Variants in PRDM1 observed in about 807,000 individuals in gnomAD.
The protein encoded by PRDM1 is PR domain zinc finger protein 1.
A neutral mutation model predicts 62.8 loss-of-function variants in PRDM1; 13 were observed. The ratio of observed to expected loss-of-function variants is 0.21; its 90% confidence interval spans 0.13 to 0.33. The LOEUF (loss-of-function observed/expected upper bound fraction) is 0.33, where lower values mean the gene tolerates loss of function less well. PRDM1 is among the 10% of genes least tolerant of loss of function. The pLI, the probability that PRDM1 is intolerant of heterozygous loss-of-function variation, is 1.00. For missense variants in PRDM1, 895 were observed against 1,058.8 expected (o/e 0.85, Z 2.15); for synonymous variants, 396 against 417.6 (o/e 0.95, Z 0.63).
intron 1 of PRDM1, among the ~76,000 whole-genome samples, chr6:106,059,317 T>A (rs1309416016): frequency 6.6e-6 from 1 of 152,110 alleles, no homozygotes. Context: ...TCTGAGGAGG[T>A]GGCATTTGAG....
chr6:106,012,872 A>C (rs1371290051), intron 1 of PRDM1, among the ~76,000 whole-genome samples: 1 of 152,212 alleles, frequency 6.6e-6, no homozygotes, highest in African/African-American at 2.4e-5. Context: ...AATTTGTCAG[A>C]TGGCTGAACA....
rs530867888 is a variant in PRDM1 at position 106,075,523 on chromosome 6, T to C, written c.-66-12678T>C. ...ACATAGCCTTGTATTAACCATAAAA[T>C]GTCCTTGGTTCTGATCATCTCTTCC... is the stretch of plus-strand genomic sequence containing the variant. On this transcript the variant is annotated intron_variant, in intron 1 of 6. Transcript: ENST00000651185. 3.3e-5 allele frequency among the ~76,000 whole-genome samples: 5 copies of C among 152,330 alleles called. No individual in the cohort carries two copies. In the South Asian group the frequency reaches 1.0e-3, roughly 32 times the overall value.
At chr6:106,080,774 G>A (rs1454417811) in intron 1 of PRDM1, among the ~76,000 whole-genome samples, 1 of 152,200 alleles carries the variant, frequency 6.6e-6, no homozygotes, top group African/African-American at 2.4e-5. Context: ...TCTCTTCAAA[G>A]GAGTTGTGGG....
intron 1 of PRDM1, among the ~76,000 whole-genome samples, chr6:106,005,399 G>A (rs1772471373): frequency 6.6e-6 from 1 of 152,212 alleles, no homozygotes; most frequent in Non-Finnish European, 1.5e-5. Flanking sequence ...AGAGTGGACT[G>A]TAATTAGTGA....
Position 106,076,095 on chromosome 6 carries a change from G to A in PRDM1, c.-66-12106G>A, listed in dbSNP as rs144822138. Among the ~76,000 whole-genome samples, 102 of 152,130 alleles carry A rather than the reference G, an allele frequency of 6.7e-4. 1 individual carries two copies. The highest frequency in any genetic ancestry group is 1.8e-3 in the African/African-American group (75 of 41,478). On this transcript the variant is annotated intron_variant, in intron 1 of 6. Transcript: ENST00000651185. ...GCCTCCCGAGTAGCTGGGACTACAG[G>A]TATGCGCCACTACACTTGGCTAATT...
At chr6:106,092,109 T>C (rs1458463862) in intron 2 of PRDM1, among the ~76,000 whole-genome samples, 2 of 144,018 alleles carry the variant, frequency 1.4e-5, no homozygotes, top group African/African-American at 5.2e-5. Flanking sequence ...TCTGTTTGCA[T>C]ACTCTCTAAA....
rs193011357 is a variant in PRDM1, at chr6:106,030,338, A to T, written c.-67+36699A>T. ...TGCACAGCCCAGCTAATTACGAAAG[A>T]TTTTCTTTTGTAGTGATGGGGTCTC... On this transcript the variant is annotated intron_variant, in intron 1 of 6. Coordinates refer to the PRDM1 transcript ENST00000652320. Among the ~76,000 whole-genome samples the T allele has an allele frequency of 5.8e-4, 88 of 151,464 alleles. 1 individual carries two copies. The East Asian group carries it at 0.016, about 28-fold the overall frequency.
intron 2 of PRDM1, among the ~76,000 whole-genome samples, chr6:106,088,952 A>G (rs1400425094): frequency 6.6e-6 from 1 of 152,214 alleles, no homozygotes; most frequent in Non-Finnish European, 1.5e-5. Context: ...AAGTGAAGTG[A>G]TGGTATAAGC....
chr6:106,107,589 T>G lies in PRDM1; in HGVS notation c.*103T>G. The G allele has an allele frequency of 9.5e-7, 1 of 1,050,790 alleles. No individual in the cohort carries two copies. Among genetic ancestry groups the G allele is most frequent in the South Asian group, 1.8e-5 (1 of 55,620 alleles). The allele number at this position is 1,050,790 out of a possible 1,614,324, so 65.1% of individuals were successfully genotyped here. On this transcript the variant is annotated 3_prime_UTR_variant, in exon 7 of 7. Coordinates refer to ENST00000369096, the MANE Select transcript of PRDM1 (RefSeq NM_001198.4). ...ATAATCCCAGCTCTGCAAAGCTCTCTCGACAGCAAATGGTTTCCCCTCACC... is the reference window on the plus strand; with the variant it reads ...ATAATCCCAGCTCTGCAAAGCTCTCGCGACAGCAAATGGTTTCCCCTCACC...
At chr6:106,022,490 T>C (rs1318655258) in intron 1 of PRDM1, among the ~76,000 whole-genome samples, 1 of 151,378 alleles carries the variant, frequency 6.6e-6, no homozygotes, top group Non-Finnish European at 1.5e-5. Flanking sequence ...GTGCAATGGC[T>C]TGATCTCGGC....
intron 1 of PRDM1, among the ~76,000 whole-genome samples, chr6:106,028,881 T>C (rs1274015579): frequency 6.6e-6 from 1 of 152,058 alleles, no homozygotes; most frequent in African/African-American, 2.4e-5. Flanking sequence ...TTTTTCTAGG[T>C]TGTAAATATA....
intron 1 of PRDM1, among the ~76,000 whole-genome samples, chr6:106,056,387 G>A (rs1005855447): frequency 1.3e-5 from 2 of 152,194 alleles, no homozygotes; most frequent in African/African-American, 4.8e-5. Flanking sequence ...TTCCTAGAAT[G>A]TAATTAGTAG....
chr6:106,105,770 C>G lies in PRDM1; in HGVS notation c.1610C>G (p.Ala537Gly), dbSNP rs752218761. The G allele has an allele frequency of 6.2e-7, 1 of 1,614,058 alleles. No homozygotes were observed. Among genetic ancestry groups the G allele is most frequent in the African/African-American group, 1.3e-5 (1 of 74,932 alleles). ...HVVQPKATSAAMAAPSSDEAM... is the reference protein window; with the variant it reads ...HVVQPKATSAGMAAPSSDEAM... ...GTGCAGCCCAAAGCTACCTCAGCAG[C>G]GATGGCAGCCCCCAGCAGCGACGAA... Residue 537 changes from alanine (A) to glycine (G), a missense_variant, in exon 5 of 7, where the codon GCG becomes GGG. Ala to Gly is a moderately conservative substitution (Grantham distance 60). This residue lies in a region of PRDM1 where 444 missense variants were observed against 422.7 expected (regional missense o/e 1.05). Coordinates refer to ENST00000369096, the MANE Select transcript of PRDM1 (RefSeq NM_001198.4).
chr6:106,049,684 CCACA>C (rs534982498), intron 1 of PRDM1, among the ~76,000 whole-genome samples: 41 of 150,924 alleles, frequency 2.7e-4, no homozygotes, highest in Non-Finnish European at 5.9e-4. Context: ...ATGCACATGG[CCACA>C]CACACACACA....
At chr6:106,081,824 T>C (rs1472302270), upstream of PRDM1, among the ~76,000 whole-genome samples, 1 of 152,186 alleles carries the variant, frequency 6.6e-6, no homozygotes, top group Non-Finnish European at 1.5e-5. Flanking sequence ...GGTACAACTG[T>C]AGGGTCCCTT....
intron 1 of PRDM1, among the ~76,000 whole-genome samples, chr6:106,038,379 G>A (rs1772951150): frequency 6.6e-6 from 1 of 152,040 alleles, no homozygotes; most frequent in South Asian, 2.1e-4. Flanking sequence ...GGTGTTCTCA[G>A]GTCTTTTCTG....
chr6:106,098,863 G>A (rs2114636624), intron 3 of PRDM1: 1 of 1,518,328 alleles, frequency 6.6e-7, no homozygotes, highest in Non-Finnish European at 8.8e-7. Flanking sequence ...CTAAGACTCA[G>A]TTTGACGTCG....
chr6:106,094,532 T>C (rs1026368603), intron 2 of PRDM1, among the ~76,000 whole-genome samples: 1 of 152,226 alleles, frequency 6.6e-6, no homozygotes, highest in African/African-American at 2.4e-5. Flanking sequence ...AAAGTTAAAA[T>C]GTGTGATGCA....
intron 1 of PRDM1, among the ~76,000 whole-genome samples, chr6:106,029,095 A>G (rs757570927): frequency 4.6e-5 from 7 of 151,640 alleles, no homozygotes; most frequent in Middle Eastern, 3.4e-3. Flanking sequence ...TAATTTTTGT[A>G]TATTTAGTAG....
Sources: allele counts gnomAD v4.1 joint callset (sites outside exome capture counted in the v4.1 genomes callset), GRCh38; gene constraint gnomAD v4.1.1; regional missense constraint gnomAD v4.1.1; transcripts MANE v1.5; gene names NCBI Gene and HGNC (gene_info 2026-07-23, HGNC 2026-07-21).